The following EYA2 variants were observed in gnomAD, a reference collection of about 807,000 sequenced individuals.
The protein encoded by EYA2 is protein phosphatase EYA2.
Under a neutral mutation model 69.2 loss-of-function variants are expected in EYA2, and 31 were observed. That is an observed-to-expected ratio of 0.45 (90% CI 0.34 to 0.60). EYA2 has a LOEUF of 0.60. Among genes scored for constraint, EYA2 ranks in the 20% least tolerant of loss-of-function variants. EYA2 has a pLI of 0.02. For synonymous variants in EYA2, 257 were observed against 279.4 expected, an observed-to-expected ratio of 0.92 and a Z score of 0.80; for missense variants, 622 against 701.2, an observed-to-expected ratio of 0.89 and a Z score of 1.28.
chr20:47,135,818 C>CAAAAAAAAAAAAAAAAAAAAAAAAAAA (rs1201324879), intron 9 of EYA2, among the ~76,000 whole-genome samples: 8 of 33,264 alleles, frequency 2.4e-4, no homozygotes, highest in Non-Finnish European at 3.9e-4. Context: ...CCTGTCTCTA[C>CAAAAAAAAAAAAAAAAAAAAAAAAAAA]AAAAAAAAAA....
chr20:47,031,208 C>T (rs1370897033), intron 5 of EYA2, among the ~76,000 whole-genome samples: 1 of 152,178 alleles, frequency 6.6e-6, no homozygotes, highest in Non-Finnish European at 1.5e-5. Flanking sequence ...GTGGAGCTGG[C>T]ACTTGCAAAT....
intron 5 of EYA2, among the ~76,000 whole-genome samples, chr20:47,047,083 T>G (rs1362933325): frequency 6.6e-6 from 1 of 152,212 alleles, no homozygotes; most frequent in Non-Finnish European, 1.5e-5. Context: ...ATGATTTTTT[T>G]TCTCTTTTCA....
At chr20:46,983,810 T>A (rs1980998166) in intron 1 of EYA2, among the ~76,000 whole-genome samples, 1 of 152,332 alleles carries the variant, frequency 6.6e-6, no homozygotes, top group African/African-American at 2.4e-5. Context: ...TCTTCTTTGC[T>A]TATAAACTGG....
chr20:46,943,167 T>A (rs977894525), intron 1 of EYA2, among the ~76,000 whole-genome samples: 2 of 152,150 alleles, frequency 1.3e-5, no homozygotes, highest in African/African-American at 4.8e-5. Flanking sequence ...GGCTGTCACA[T>A]CTAGAGGGGA....
At chr20:47,031,314 G>A (rs771107259) in intron 5 of EYA2, among the ~76,000 whole-genome samples, 5 of 152,238 alleles carry the variant, frequency 3.3e-5, no homozygotes, top group Non-Finnish European at 5.9e-5. Flanking sequence ...TGAGTTGGCC[G>A]GTGCTCAGGC....
chr20:47,093,224 T>C (rs1274724587), intron 8 of EYA2, among the ~76,000 whole-genome samples: 4 of 152,186 alleles, frequency 2.6e-5, no homozygotes, highest in Non-Finnish European at 4.4e-5. Context: ...CTACTCCCAA[T>C]GAAACCAGGT....
At chr20:46,971,080 TACACACACACACAC>T (rs148380754) in intron 1 of EYA2, among the ~76,000 whole-genome samples, 2 of 147,176 alleles carry the variant, frequency 1.4e-5, no homozygotes, top group South Asian at 2.2e-4. Context: ...ATAAAGTTGC[TACACACACACACAC>T]ACACACACAC....
chr20:47,125,179 G>T (rs567451068), intron 9 of EYA2, among the ~76,000 whole-genome samples: 56 of 150,056 alleles, frequency 3.7e-4, no homozygotes, highest in African/African-American at 1.2e-3. Context: ...TTAGCCTCCC[G>T]AGTAGCTGGG....
At chr20:47,154,029 G>T (rs953714477) in intron 10 of EYA2, among the ~76,000 whole-genome samples, 3 of 151,940 alleles carry the variant, frequency 2.0e-5, no homozygotes, top group African/African-American at 7.2e-5. Context: ...AGTCTGCTCA[G>T]TCTGTCCTAA....
intron 10 of EYA2, among the ~76,000 whole-genome samples, chr20:47,165,592 G>T (rs1316388646): frequency 6.6e-6 from 1 of 152,182 alleles, no homozygotes; most frequent in Non-Finnish European, 1.5e-5. Flanking sequence ...GCTGCCCGTG[G>T]GTCACAGAGG....
chr20:47,065,300 G>A (rs2031068909), intron 5 of EYA2, among the ~76,000 whole-genome samples: 1 of 152,200 alleles, frequency 6.6e-6, no homozygotes, highest in South Asian at 2.1e-4. Context: ...CTGTCATGAA[G>A]GACAAGGGCT....
At chr20:47,113,860 T>A (rs2032819179) in intron 9 of EYA2, among the ~76,000 whole-genome samples, 1 of 151,784 alleles carries the variant, frequency 6.6e-6, no homozygotes, top group African/African-American at 2.4e-5. Context: ...AGATGGGTTT[T>A]TTTTTTTTGT....
chr20:47,068,321 C>T (rs774793888), intron 5 of EYA2, among the ~76,000 whole-genome samples: 1 of 152,214 alleles, frequency 6.6e-6, no homozygotes, highest in Non-Finnish European at 1.5e-5. Context: ...TGTAGAGAAG[C>T]CATGTGCTGC....
At chr20:47,136,916 A>C (rs1029157799) in intron 9 of EYA2, among the ~76,000 whole-genome samples, 3 of 152,086 alleles carry the variant, frequency 2.0e-5, no homozygotes, top group African/African-American at 7.2e-5. Context: ...ACCCGGAGAA[A>C]TCTGTAGAAC....
At chr20:47,047,700 TG>T (rs2030117857) in intron 5 of EYA2, among the ~76,000 whole-genome samples, 2 of 149,118 alleles carry the variant, frequency 1.3e-5, no homozygotes, top group Non-Finnish European at 3.0e-5. Context: ...CTCTCATTTT[TG>T]TTAGGGACAA....
At chr20:47,020,649 G>T (rs4810584) in intron 5 of EYA2, among the ~76,000 whole-genome samples, 37,294 of 152,072 alleles carry the variant, frequency 0.25, 4,804 homozygotes, top group South Asian at 0.31. Context: ...CCACAGAGTT[G>T]TTAAGAGTTC....
At chr20:46,982,406 C>G (rs902864450) in intron 1 of EYA2, among the ~76,000 whole-genome samples, 1 of 152,134 alleles carries the variant, frequency 6.6e-6, no homozygotes, top group East Asian at 1.9e-4. Flanking sequence ...GCAGTTTAAC[C>G]ATCACATACC....
intron 10 of EYA2, among the ~76,000 whole-genome samples, chr20:47,151,557 G>A (rs577284307): frequency 1.3e-4 from 20 of 151,764 alleles, no homozygotes; most frequent in African/African-American, 4.6e-4. Flanking sequence ...TATGGAACAC[G>A]CTTCCCCACC....
chr20:47,003,632 A>C (rs1481666588), intron 3 of EYA2, among the ~76,000 whole-genome samples: 1 of 152,260 alleles, frequency 6.6e-6, no homozygotes, highest in Non-Finnish European at 1.5e-5. Flanking sequence ...ATTAGGAAAA[A>C]AAATAACTTC....
Sources: gnomAD v4.1 joint callset for allele counts (sites outside exome capture counted in the v4.1 genomes callset) on GRCh38, gnomAD v4.1.1 for gene constraint, MANE v1.5 for transcripts, NCBI Gene and HGNC (gene_info 2026-07-23, HGNC 2026-07-21) for gene names.